VPS50: variants seen among roughly 807,000 people sequenced by gnomAD.
The protein encoded by VPS50 is VPS50 subunit of EARP/GARPII complex.
In VPS50, 70 loss-of-function variants were observed where a neutral mutation model predicts 139.7. The observed-to-expected ratio is 0.50, with a 90% CI of 0.41 to 0.61. The LOEUF (loss-of-function observed/expected upper bound fraction) is 0.61, where lower values mean the gene tolerates loss of function less well. Ranked by LOEUF, VPS50 falls within the 20% of genes least tolerant of loss-of-function variation. The pLI, the probability that VPS50 is intolerant of heterozygous loss-of-function variation, is 0.00. For missense variants in VPS50, 921 were observed against 1,133.7 expected (o/e 0.81, Z 2.69); for synonymous variants, 365 against 376.7 (o/e 0.97, Z 0.36).
chr7:93,238,235 A>C (rs1794876710), intron 1 of VPS50, among the ~76,000 whole-genome samples: 1 of 151,914 alleles, frequency 6.6e-6, no homozygotes, highest in East Asian at 1.9e-4. Flanking sequence ...CAAACCGCCC[A>C]AGACTAGTAA....
chr7:93,354,384 C>T (rs567173595), intron 26 of VPS50, among the ~76,000 whole-genome samples: 1 of 151,400 alleles, frequency 6.6e-6, no homozygotes, highest in South Asian at 2.1e-4. Flanking sequence ...GCCTCTCCCT[C>T]CTGGGCTCAA....
At chr7:93,265,950 T>C (rs1046894006) in intron 9 of VPS50, among the ~76,000 whole-genome samples, 14 of 152,214 alleles carry the variant, frequency 9.2e-5, no homozygotes, top group African/African-American at 3.4e-4. Context: ...TTAGGAATTC[T>C]GTTATAGCCT....
chr7:93,358,487 G>A lies in VPS50; in HGVS notation c.*51G>A. Reference sequence around the variant, plus strand: ...GCATTGATCCTCACTCAACATATATGACCTGAAAGCCAGTTTTTTTATGCA... The same window carrying A: ...GCATTGATCCTCACTCAACATATATAACCTGAAAGCCAGTTTTTTTATGCA... On this transcript the variant is annotated 3_prime_UTR_variant, in exon 28 of 28. Coordinates refer to ENST00000305866, the MANE Select transcript of VPS50 (RefSeq NM_017667.4). The A allele has an allele frequency of 6.5e-7, 1 of 1,533,646 alleles. No homozygotes were observed. Among genetic ancestry groups the A allele is most frequent in the Non-Finnish European group, 8.9e-7 (1 of 1,122,848 alleles).
intron 22 of VPS50, among the ~76,000 whole-genome samples, chr7:93,336,540 G>A (rs1348946146): frequency 6.6e-6 from 1 of 152,168 alleles, no homozygotes; most frequent in Non-Finnish European, 1.5e-5. Context: ...TTATGAGACA[G>A]TCTCACTATG....
At chr7:93,303,706 C>G (rs948610065) in intron 17 of VPS50, among the ~76,000 whole-genome samples, 156 bp downstream of exon 17, 16 of 151,646 alleles carry the variant, frequency 1.1e-4, no homozygotes, top group Admixed American at 3.9e-4. Context: ...AGTAGCCAGC[C>G]TCTTTTTAAA....
Position 93,291,686 on chromosome 7 carries a change from C to G in VPS50, c.943-17C>G. Reference sequence around the variant, plus strand: ...AAACATAATAATTTGAAAGTTGTCTCTTATCATTTTCTTTAGCATGTTACA... The same window carrying G: ...AAACATAATAATTTGAAAGTTGTCTGTTATCATTTTCTTTAGCATGTTACA... On this transcript the variant is annotated splice_polypyrimidine_tract_variant and intron_variant, in intron 12 of 27. Transcript: ENST00000305866. 1 of 1,426,574 alleles carries G rather than the reference C, an allele frequency of 7.0e-7. No individual in the cohort carries two copies. The highest frequency in any genetic ancestry group is 9.4e-7 in the Non-Finnish European group (1 of 1,061,762). 88.4% of individuals were successfully genotyped at this position (1,426,574 alleles called of 1,614,324 possible). A position where few individuals can be genotyped will look rare whatever the true frequency, so the allele number is the denominator to read the frequency against.
chr7:93,308,118 A>AGATGATGATGATGAT (rs59549693), intron 18 of VPS50, among the ~76,000 whole-genome samples: 2 of 150,196 alleles, frequency 1.3e-5, no homozygotes, highest in South Asian at 2.1e-4. Flanking sequence ...TGACATTAAT[A>AGATGATGATGATGAT]GATGATGATG....
intron 18 of VPS50, among the ~76,000 whole-genome samples, chr7:93,306,387 T>C (rs926930893): frequency 1.3e-5 from 2 of 151,950 alleles, no homozygotes; most frequent in Non-Finnish European, 2.9e-5. Flanking sequence ...TATGGGTCAC[T>C]GATTCATTTT....
At chr7:93,284,706 T>G (rs763660771) in intron 12 of VPS50, among the ~76,000 whole-genome samples, 1 of 152,228 alleles carries the variant, frequency 6.6e-6, no homozygotes, top group African/African-American at 2.4e-5. Context: ...CTCATAGCTT[T>G]TAAAGCTTCA....
intron 16 of VPS50, 38 bp from the exon 17 acceptor site, chr7:93,303,422 C>T (rs758088859): frequency 1.1e-6 from 1 of 888,026 alleles, no homozygotes; most frequent in South Asian, 1.6e-5. Context: ...GTGTACTTTT[C>T]TTCTCACTTT....
In VPS50 at chr7:93,328,612, G is replaced by A. The variant is rs574613715; in HGVS notation, c.1977+4880G>A. Among the ~76,000 whole-genome samples the A allele has an allele frequency of 4.5e-3, 682 of 152,280 alleles. 5 individuals carry two copies. The highest frequency in any genetic ancestry group is 5.5e-3 in the Non-Finnish European group (375 of 68,010). Reference sequence around the variant, plus strand: ...AAATAGACTGTGGTGGGGGGTCCATGCTAGTCTGCAGATGGGAGAAAGGGG... The same window carrying A: ...AAATAGACTGTGGTGGGGGGTCCATACTAGTCTGCAGATGGGAGAAAGGGG... On this transcript the variant is annotated intron_variant, in intron 21 of 27. Coordinates refer to ENST00000305866, the MANE Select transcript of VPS50 (RefSeq NM_017667.4).
chr7:93,353,163 T>C (rs1202296027), intron 25 of VPS50, among the ~76,000 whole-genome samples: 1 of 152,186 alleles, frequency 6.6e-6, no homozygotes, highest in Non-Finnish European at 1.5e-5. Context: ...CATTATTTAT[T>C]TTTAAAAAGT....
chr7:93,337,026 C>T (rs1798086876), intron 22 of VPS50, among the ~76,000 whole-genome samples: 1 of 152,120 alleles, frequency 6.6e-6, no homozygotes, highest in Non-Finnish European at 1.5e-5. Flanking sequence ...CTGAAACAGC[C>T]AGTTTAGGAG....
At position 93,359,199 on chromosome 7, in the gene VPS50, ACTTTCTTTTAT is replaced by A. The variant is rs1052799138; in HGVS notation, c.*772_*782del. 6.6e-6 allele frequency: 1 copy of A among 152,088 alleles called. No homozygotes were observed. The highest frequency in any genetic ancestry group is 2.4e-5 in the African/African-American group (1 of 41,414). The allele number at this position is 152,088 out of a possible 1,614,324, so 9.4% of individuals were successfully genotyped here. Reference sequence around the variant, plus strand: ...TAGCATACAGAATCATGATTATGAGACTTTCTTTTATCTTTCTTTATAAAAATATGTGGTTT... The same window carrying A: ...TAGCATACAGAATCATGATTATGAGACTTTCTTTATAAAAATATGTGGTTT... On this transcript the variant is annotated 3_prime_UTR_variant, in exon 28 of 28. Coordinates refer to ENST00000305866, the MANE Select transcript of VPS50 (RefSeq NM_017667.4).
At chr7:93,240,845 G>T (rs567448153) in intron 2 of VPS50, among the ~76,000 whole-genome samples, 1 of 151,994 alleles carries the variant, frequency 6.6e-6, no homozygotes, top group African/African-American at 2.4e-5. Context: ...AGTGAATTTT[G>T]TATTTACTGC....
intron 5 of VPS50, among the ~76,000 whole-genome samples, chr7:93,256,875 C>G (rs1186225793): frequency 6.6e-6 from 1 of 152,068 alleles, no homozygotes; most frequent in Non-Finnish European, 1.5e-5. Context: ...ATTGACCACT[C>G]ATTGGCAATA....
Position 93,294,596 on chromosome 7 carries a change from TA to T in VPS50, c.1133del (p.Lys378ArgfsTer3). ...GAAACTAATTTTGATCGTGGCTACA[TA>T]AAAAAGAAATTAGAACATGGACTTA... is the stretch of plus-strand genomic sequence containing the variant. ...TEETNFDRGYIKKKLEHGLTR... is the reference protein window; with the variant it reads ...TEETNFDRGYXKKKLEHGLTR... On this transcript the variant is annotated frameshift_variant, in exon 14 of 28. Transcript: ENST00000305866. LOFTEE classifies it high-confidence loss of function. 1 of 1,599,704 alleles carries T rather than the reference TA, an allele frequency of 6.3e-7. No individual in the cohort carries two copies. The highest frequency in any genetic ancestry group is 8.5e-7 in the Non-Finnish European group (1 of 1,174,478).
At chr7:93,353,590 T>C (rs759613283) in intron 25 of VPS50, 50 bp from the exon 26 acceptor site, 1 of 1,575,992 alleles carries the variant, frequency 6.3e-7, no homozygotes, top group East Asian at 2.3e-5. Flanking sequence ...TGGGAAAGCA[T>C]TGTGGCATTT....
At chr7:93,235,134 AGAT>A (rs1313734763) in intron 1 of VPS50, among the ~76,000 whole-genome samples, 1 of 152,146 alleles carries the variant, frequency 6.6e-6, no homozygotes, top group East Asian at 1.9e-4. Flanking sequence ...TCTGTGAGGT[AGAT>A]ATTTGGGAAG....
Sources: gnomAD v4.1 joint callset for allele counts (sites outside exome capture counted in the v4.1 genomes callset) on GRCh38, gnomAD v4.1.1 for gene constraint, MANE v1.5 for transcripts, NCBI Gene and HGNC (gene_info 2026-07-23, HGNC 2026-07-21) for gene names.